Variants in VPS41 observed in about 807,000 individuals in gnomAD.
The protein encoded by VPS41 is vacuolar protein sorting-associated protein 41 homolog.
In VPS41, 85 loss-of-function variants were observed where a neutral mutation model predicts 130.9. The observed-to-expected ratio is 0.65, with a 90% CI of 0.55 to 0.78. The LOEUF (loss-of-function observed/expected upper bound fraction) is 0.78. Ranked by LOEUF, VPS41 falls within the 30% of genes least tolerant of loss-of-function variation. VPS41 has a pLI of 0.00. For missense variants in VPS41, 874 were observed against 1,018.7 expected, an observed-to-expected ratio of 0.86 and a Z score of 1.93; for synonymous variants, 335 against 332.9, an observed-to-expected ratio of 1.01 and a Z score of -0.07.
At chr7:38,806,610 T>C (rs1028720815) in intron 7 of VPS41, among the ~76,000 whole-genome samples, 1 of 152,130 alleles carries the variant, frequency 6.6e-6, no homozygotes, top group African/African-American at 2.4e-5. Flanking sequence ...TAAAAGCCAA[T>C]GAAGGTCAGA....
intron 19 of VPS41, among the ~76,000 whole-genome samples, chr7:38,755,326 A>G (rs4720300): frequency 0.9 from 136,238 of 152,184 alleles, 61,058 homozygotes; most frequent in East Asian, 0.99. Context: ...CTTTTCTTCC[A>G]GCTACTTCAA....
intron 19 of VPS41, among the ~76,000 whole-genome samples, chr7:38,755,279 G>A (rs1783768546): frequency 6.6e-6 from 1 of 152,154 alleles, no homozygotes; most frequent in Non-Finnish European, 1.5e-5. Context: ...CAGTAGTTAT[G>A]GAGAGCATCT....
intron 3 of VPS41, among the ~76,000 whole-genome samples, chr7:38,866,211 G>A (rs1786225339): frequency 6.6e-6 from 1 of 152,170 alleles, no homozygotes; most frequent in African/African-American, 2.4e-5. Context: ...CAGGGAGCAA[G>A]ATCTTAGAGA....
chr7:38,903,516 G>C (rs3801113), intron 1 of VPS41, among the ~76,000 whole-genome samples: 39,092 of 151,754 alleles, frequency 0.26, 6,435 homozygotes, highest in Non-Finnish European at 0.38. Flanking sequence ...TGTGTTGCAG[G>C]AAAAAAAAGA....
chr7:38,896,972 T>C (rs1253086043), intron 2 of VPS41, among the ~76,000 whole-genome samples: 2 of 152,076 alleles, frequency 1.3e-5, no homozygotes, highest in Non-Finnish European at 2.9e-5. Flanking sequence ...GGCAGGCGGA[T>C]CACCTGAGGT....
chr7:38,810,519 C>A (rs570689557), intron 7 of VPS41, among the ~76,000 whole-genome samples: 3 of 152,226 alleles, frequency 2.0e-5, no homozygotes, highest in African/African-American at 7.2e-5. Flanking sequence ...TATGACTTCA[C>A]GAATATCTCA....
intron 2 of VPS41, among the ~76,000 whole-genome samples, chr7:38,896,177 T>A (rs1786986997): frequency 6.6e-6 from 1 of 152,200 alleles, no homozygotes. Flanking sequence ...AACACCCTCC[T>A]CACCTGCAAA....
intron 4 of VPS41, among the ~76,000 whole-genome samples, chr7:38,836,897 G>C (rs185785365): frequency 2.4e-4 from 37 of 152,230 alleles, no homozygotes; most frequent in Non-Finnish European, 4.7e-4. Context: ...TTGAAAATGT[G>C]TATCAAAATT....
chr7:38,844,476 C>T (rs1179502293), intron 4 of VPS41, among the ~76,000 whole-genome samples: 1 of 152,090 alleles, frequency 6.6e-6, no homozygotes. Flanking sequence ...ACAAATTACT[C>T]TATTAGAATA....
intron 1 of VPS41, among the ~76,000 whole-genome samples, chr7:38,904,580 C>G (rs543003731): frequency 6.6e-6 from 1 of 152,168 alleles, no homozygotes; most frequent in Non-Finnish European, 1.5e-5. Context: ...TTTATACAAC[C>G]ATTTCAACCT....
At chr7:38,756,582 C>A (rs986834773) in intron 19 of VPS41, among the ~76,000 whole-genome samples, 1 of 152,142 alleles carries the variant, frequency 6.6e-6, no homozygotes, top group South Asian at 2.1e-4. Flanking sequence ...ACTTTATATG[C>A]GCACACACAC....
chr7:38,728,369 C>A, intron 27 of VPS41, 173 bp downstream of exon 27: 1 of 781,840 alleles, frequency 1.3e-6, no homozygotes, highest in East Asian at 2.7e-5. Context: ...CAGCTCTAAG[C>A]AATGGCAGCA....
chr7:38,844,658 G>C (rs745387547), intron 4 of VPS41, among the ~76,000 whole-genome samples: 5 of 152,154 alleles, frequency 3.3e-5, no homozygotes, highest in Admixed American at 6.5e-5. Flanking sequence ...TAAATTTTCT[G>C]TATTTATGAG....
intron 3 of VPS41, among the ~76,000 whole-genome samples, chr7:38,864,116 A>G (rs1287916756): frequency 6.6e-6 from 1 of 152,214 alleles, no homozygotes; most frequent in Non-Finnish European, 1.5e-5. Flanking sequence ...CTGCTCCCCA[A>G]GTATTTCACA....
chr7:38,760,361 C>T (rs139026883), intron 17 of VPS41, among the ~76,000 whole-genome samples: 1 of 152,266 alleles, frequency 6.6e-6, no homozygotes, highest in African/African-American at 2.4e-5. Flanking sequence ...AAATTGCCTT[C>T]CTTTTGTTCC....
At chr7:38,743,643 C>A in intron 23 of VPS41, 101 bp from the exon 24 acceptor site, 1 of 1,374,340 alleles carries the variant, frequency 7.3e-7, no homozygotes, top group Non-Finnish European at 9.9e-7. Flanking sequence ...AGGTGGAAAG[C>A]TAAGACAAGG....
intron 22 of VPS41, among the ~76,000 whole-genome samples, chr7:38,751,306 C>T (rs1384463806): frequency 6.6e-6 from 1 of 152,186 alleles, no homozygotes; most frequent in Non-Finnish European, 1.5e-5. Flanking sequence ...TTGGTCCACA[C>T]AGCTGACTTT....
chr7:38,794,814 T>A (rs1784590964), intron 9 of VPS41, among the ~76,000 whole-genome samples: 2 of 152,202 alleles, frequency 1.3e-5, no homozygotes, highest in Non-Finnish European at 2.9e-5. Flanking sequence ...GTCTATTTTT[T>A]AAAGGGAAAC....
intron 24 of VPS41, among the ~76,000 whole-genome samples, chr7:38,742,925 T>C (rs1253546063): frequency 1.3e-5 from 2 of 152,126 alleles, no homozygotes; most frequent in Non-Finnish European, 2.9e-5. Flanking sequence ...ACTCTGGGTG[T>C]TGTACTGATA....
Sources: gnomAD v4.1 joint callset for allele counts (sites outside exome capture counted in the v4.1 genomes callset) on GRCh38, gnomAD v4.1.1 for gene constraint, MANE v1.5 for transcripts, NCBI Gene and HGNC (gene_info 2026-07-23, HGNC 2026-07-21) for gene names.